SETD7: variants seen among roughly 807,000 people sequenced by gnomAD.
SETD7 encodes SET domain containing 7, histone lysine methyltransferase.
Under a neutral mutation model 41.8 loss-of-function variants are expected in SETD7, and 16 were observed. That is an observed-to-expected ratio of 0.38 (90% confidence interval 0.26 to 0.58). The LOEUF is 0.58. Ranked by LOEUF, SETD7 falls within the 20% of genes least tolerant of loss-of-function variation. The probability of loss-of-function intolerance (pLI) is 0.64; values close to 1 mark genes in which losing one functional copy is unlikely to be tolerated. For synonymous variants in SETD7, 163 were observed against 169.7 expected, an observed-to-expected ratio of 0.96 and a Z score of 0.31; for missense variants, 346 against 459.7, an observed-to-expected ratio of 0.75 and a Z score of 2.26.
intron 4 of SETD7, among the ~76,000 whole-genome samples, chr4:139,526,355 G>T (rs1215756061): frequency 6.6e-6 from 1 of 150,450 alleles, no homozygotes; most frequent in African/African-American, 2.5e-5. Flanking sequence ...CTGCAGCCCT[G>T]ACTTCCTGAG....
rs1726871149 is a variant in SETD7 at position 139,511,415 on chromosome 4, C to G, written c.*248G>C. On this transcript the variant is annotated 3_prime_UTR_variant, in exon 8 of 8. Coordinates refer to ENST00000274031, the MANE Select transcript of SETD7 (RefSeq NM_030648.4). The stretch of plus-strand genomic sequence containing the variant: ...TTAGACTTGAACCACCAAAGAACAT[C>G]ACGCTGTCTTATGTCAAATGCTCGA... 2.0e-6 allele frequency: 1 copy of G among 499,988 alleles called. No homozygotes were observed. The highest frequency in any genetic ancestry group is 3.4e-6 in the Non-Finnish European group (1 of 298,170). The allele number at this position is 499,988 out of a possible 1,614,324, so 31.0% of individuals were successfully genotyped here.
At chr4:139,495,728 G>A, downstream of SETD7, among the ~76,000 whole-genome samples, 1 of 152,122 alleles carries the variant, frequency 6.6e-6, no homozygotes, top group Non-Finnish European at 1.5e-5. Flanking sequence ...ATGAGATTTG[G>A]GTGGGGACAC....
intron 2 of SETD7, among the ~76,000 whole-genome samples, chr4:139,541,240 G>C (rs907204537): frequency 4.6e-5 from 7 of 152,154 alleles, no homozygotes; most frequent in Non-Finnish European, 8.8e-5. Flanking sequence ...AAGCCAATCT[G>C]AAGAAATATC....
At chr4:139,528,982 C>A in intron 4 of SETD7, 49 bp downstream of exon 4, 1 of 1,513,480 alleles carries the variant, frequency 6.6e-7, no homozygotes, top group South Asian at 1.1e-5. Flanking sequence ...TCAGCCCTAA[C>A]AACCTGCTTT....
chr4:139,528,981 A>G, intron 4 of SETD7, 50 bp downstream of exon 4: 1 of 1,509,408 alleles, frequency 6.6e-7, no homozygotes, highest in Non-Finnish European at 9.2e-7. Flanking sequence ...ATCAGCCCTA[A>G]CAACCTGCTT....
chr4:139,508,071 A>G lies in SETD7; in HGVS notation c.*3592T>C, dbSNP rs1198039817. Reference sequence around the variant, plus strand: ...TATATATTAAATGAAATTTACGAAAAGTGCCACATACTGTCTCCTGGAGAA... The same window carrying G: ...TATATATTAAATGAAATTTACGAAAGGTGCCACATACTGTCTCCTGGAGAA... On this transcript the variant is annotated 3_prime_UTR_variant, in exon 8 of 8. Transcript: ENST00000274031. 1.3e-5 allele frequency: 2 copies of G among 152,224 alleles called. No homozygotes were observed. The highest frequency in any genetic ancestry group is 2.4e-5 in the African/African-American group (1 of 41,450). The allele number at this position is 152,224 out of a possible 1,614,324, so 9.4% of individuals were successfully genotyped here.
At chr4:139,531,827 G>C (rs1236857898) in intron 3 of SETD7, among the ~76,000 whole-genome samples, 1 of 152,206 alleles carries the variant, frequency 6.6e-6, no homozygotes, top group Non-Finnish European at 1.5e-5. Context: ...GTGGTGGCTC[G>C]CACCTGTAAT....
Position 139,539,576 on chromosome 4 carries a change from C to T in SETD7, c.171-6210G>A, listed in dbSNP as rs550972176. On this transcript the variant is annotated intron_variant, in intron 2 of 7. Coordinates refer to ENST00000274031, the MANE Select transcript of SETD7 (RefSeq NM_030648.4). ...GAGTCTACTATAGATCTAATTATTACAAAGCCTCAAAGTAACAGTAAAATA... is the reference window on the plus strand; with the variant it reads ...GAGTCTACTATAGATCTAATTATTATAAAGCCTCAAAGTAACAGTAAAATA... Among the ~76,000 whole-genome samples the T allele has an allele frequency of 8.5e-5, 13 of 152,292 alleles. No individual in the cohort carries two copies. In the East Asian group the frequency reaches 2.3e-3, roughly 27 times the overall value.
At chr4:139,497,139 G>A (rs1482046971) in intron 7 of SETD7, among the ~76,000 whole-genome samples, 2 of 152,170 alleles carry the variant, frequency 1.3e-5, no homozygotes, top group African/African-American at 4.8e-5. Context: ...AGTGCTATTA[G>A]CCCTCTTGAA....
At chr4:139,549,616 A>AT (rs1052509771) in intron 1 of SETD7, among the ~76,000 whole-genome samples, 2 of 137,732 alleles carry the variant, frequency 1.5e-5, no homozygotes, top group African/African-American at 5.5e-5. Context: ...TCCTTCCTTT[A>AT]TTTTTTAGAG....
At chr4:139,525,449 G>A (rs777770370) in intron 4 of SETD7, among the ~76,000 whole-genome samples, 4 of 152,006 alleles carry the variant, frequency 2.6e-5, no homozygotes, top group Non-Finnish European at 4.4e-5. Context: ...TATGCCCTTT[G>A]ACTAGAATTC....
At position 139,556,088 on chromosome 4, in the gene SETD7, A is replaced by G. The variant is rs1330382421; in HGVS notation, c.40+10T>C. 6.3e-7 allele frequency: 1 copy of G among 1,592,156 alleles called. No homozygotes were observed. The highest frequency in any genetic ancestry group is 1.7e-5 in the Admixed American group (1 of 57,734). ...CGCCTCCTCCCCCGGCCCCGGAGAAATGCTTGTACCTTCCACCGCCTCCTC... is the reference window on the plus strand; with the variant it reads ...CGCCTCCTCCCCCGGCCCCGGAGAAGTGCTTGTACCTTCCACCGCCTCCTC... On this transcript the variant is annotated intron_variant, in intron 1 of 7. Coordinates refer to ENST00000274031, the MANE Select transcript of SETD7 (RefSeq NM_030648.4).
At chr4:139,546,561 AACGATCCCC>A (rs1466830489) in intron 2 of SETD7, 3 of 343,730 alleles carry the variant, frequency 8.7e-6, no homozygotes, top group Admixed American at 4.4e-5. Context: ...CACTGACAAA[AACGATCCCC>A]ACTTGTGTGA....
rs137874654 is a variant in SETD7 at position 139,546,289 on chromosome 4, T to C, written c.170+631A>G. ...GTCTAGAGAGTTGCCCTCCTGTGTG[T>C]ACCTGTTTATGTCTTATTACTGGGA... is the stretch of plus-strand genomic sequence containing the variant. On this transcript the variant is annotated intron_variant, in intron 2 of 7. Transcript: ENST00000274031. The C allele has an allele frequency of 4.9e-4, 84 of 170,366 alleles. No individual in the cohort carries two copies. In the East Asian group the frequency reaches 0.013, roughly 26 times the overall value. 10.6% of individuals were successfully genotyped at this position (170,366 alleles called of 1,614,324 possible).
chr4:139,530,892 G>A (rs1472819766), intron 3 of SETD7, among the ~76,000 whole-genome samples: 1 of 152,150 alleles, frequency 6.6e-6, no homozygotes, highest in African/African-American at 2.4e-5. Context: ...GTGGACTGTA[G>A]GGAAAATCAT....
At chr4:139,539,402 C>A (rs1322822205) in intron 2 of SETD7, among the ~76,000 whole-genome samples, 3 of 152,292 alleles carry the variant, frequency 2.0e-5, no homozygotes, top group African/African-American at 7.2e-5. Flanking sequence ...AGATGCAACC[C>A]ATCTGCTAGA....
At chr4:139,528,358 C>G (rs1337031003) in intron 4 of SETD7, among the ~76,000 whole-genome samples, 2 of 152,230 alleles carry the variant, frequency 1.3e-5, no homozygotes, top group Non-Finnish European at 2.9e-5. Flanking sequence ...CAGGCTCAAT[C>G]AACTTTACAG....
intron 4 of SETD7, among the ~76,000 whole-genome samples, chr4:139,526,868 C>T (rs971645490): frequency 3.3e-5 from 5 of 152,246 alleles, no homozygotes; most frequent in African/African-American, 1.2e-4. Context: ...AATATTATAA[C>T]ACTGTCTCCT....
chr4:139,500,017 T>TC (rs1403919076), intron 7 of SETD7, among the ~76,000 whole-genome samples: 13 of 152,178 alleles, frequency 8.5e-5, no homozygotes, highest in African/African-American at 2.7e-4. Flanking sequence ...ATGGCCAATT[T>TC]CCCCTATACC....
Sources: allele counts gnomAD v4.1 joint callset (sites outside exome capture counted in the v4.1 genomes callset), GRCh38; gene constraint gnomAD v4.1.1; transcripts MANE v1.5; gene names NCBI Gene and HGNC (gene_info 2026-07-23, HGNC 2026-07-21).